AKAP10: variants seen among roughly 807,000 people sequenced by gnomAD.
AKAP10 encodes A-kinase anchor protein 10, mitochondrial.
AKAP10 carries 24 observed loss-of-function variants against 80.8 expected under a neutral mutation model. The ratio of observed to expected loss-of-function variants is 0.30; its 90% CI spans 0.22 to 0.42. AKAP10 has a LOEUF of 0.42. AKAP10 is among the 10% of genes least tolerant of loss of function. The pLI, the probability that AKAP10 is intolerant of heterozygous loss-of-function variation, is 1.00. For synonymous variants in AKAP10, 291 were observed against 277.7 expected (o/e 1.05, Z -0.48); for missense variants, 661 against 794.9 (o/e 0.83, Z 2.03).
intron 11 of AKAP10, among the ~76,000 whole-genome samples, chr17:19,922,290 G>T (rs148132638): frequency 4.7e-4 from 71 of 152,246 alleles, no homozygotes; most frequent in Non-Finnish European, 9.1e-4. Flanking sequence ...TTATTTTAGA[G>T]ATATCTTCCT....
chr17:19,954,651 A>AC (rs2043253127), intron 4 of AKAP10, among the ~76,000 whole-genome samples: 1 of 140,098 alleles, frequency 7.1e-6, no homozygotes, highest in Non-Finnish European at 1.5e-5. Context: ...CGCCCGGCTA[A>AC]TTTTTTTTTT....
chr17:19,931,125 C>A (rs541791640), intron 10 of AKAP10, among the ~76,000 whole-genome samples: 46 of 151,904 alleles, frequency 3.0e-4, no homozygotes, highest in Non-Finnish European at 5.4e-4. Flanking sequence ...AGCGAGGAGA[C>A]CCTGTCTCAA....
intron 4 of AKAP10, among the ~76,000 whole-genome samples, chr17:19,955,178 C>T (rs1289910618): frequency 2.0e-5 from 3 of 151,732 alleles, no homozygotes; most frequent in Admixed American, 2.0e-4. Flanking sequence ...GCCGAGATTG[C>T]CTCACTGCAC....
rs76133607 is a variant in AKAP10 at position 19,921,291 on chromosome 17, T to C, written c.1752-1173A>G. On this transcript the variant is annotated intron_variant, in intron 11 of 14. Coordinates refer to ENST00000225737, the MANE Select transcript of AKAP10 (RefSeq NM_007202.4). Reference sequence around the variant, plus strand: ...CAAGTGATTCTCCTGTCTCAGCCTCTCGAGTAGCTGGGACTACGGGTGCGC... The same window carrying C: ...CAAGTGATTCTCCTGTCTCAGCCTCCCGAGTAGCTGGGACTACGGGTGCGC... Among the ~76,000 whole-genome samples the C allele has an allele frequency of 5.2e-3, 795 of 151,736 alleles. 14 individuals are homozygous for C. In the East Asian group the frequency reaches 0.073, roughly 14 times the overall value.
In AKAP10 at chr17:19,958,116, G is replaced by T. The variant is rs1317180799; in HGVS notation, c.775C>A (p.Gln259Lys). ...RLEMARAGTH[Q>K]VSMETQESSS... The stretch of plus-strand genomic sequence containing the variant: ...GATTCTTGGGTTTCCATGGAAACTT[G>T]GTGAGTTCCTGCTCTGGCCATTTCA... Residue 259 changes from glutamine to lysine, a missense_variant, in exon 4 of 15, where the codon CAA becomes AAA. Coordinates refer to ENST00000225737, the MANE Select transcript of AKAP10 (RefSeq NM_007202.4). The T allele has an allele frequency of 2.5e-6, 4 of 1,614,022 alleles. No individual in the cohort carries two copies. Among genetic ancestry groups the T allele is most frequent in the Non-Finnish European group, 2.5e-6 (3 of 1,180,030 alleles).
At chr17:19,914,639 A>T (rs1051908209) in intron 12 of AKAP10, among the ~76,000 whole-genome samples, 7 of 151,366 alleles carry the variant, frequency 4.6e-5, no homozygotes, top group African/African-American at 1.7e-4. Context: ...AAAAAAAAAA[A>T]AAAAAAAAAA....
chr17:19,920,669 C>G lies in AKAP10; in HGVS notation c.1752-551G>C, dbSNP rs151191710. Reference sequence around the variant, plus strand: ...ACCAGCCTGGCCAACATGGTGAAACCCTGTCTCTACTAAAAATACAAAAAT... The same window carrying G: ...ACCAGCCTGGCCAACATGGTGAAACGCTGTCTCTACTAAAAATACAAAAAT... On this transcript the variant is annotated intron_variant, in intron 11 of 14. Transcript: ENST00000225737. Among the ~76,000 whole-genome samples the G allele has an allele frequency of 6.8e-3, 1,030 of 151,746 alleles. 12 individuals are homozygous for G. The highest frequency in any genetic ancestry group is 0.024 in the African/African-American group (978 of 41,356).
At chr17:19,943,777 T>A (rs1387695021) in intron 5 of AKAP10, among the ~76,000 whole-genome samples, 1 of 152,212 alleles carries the variant, frequency 6.6e-6, no homozygotes, top group Non-Finnish European at 1.5e-5. Flanking sequence ...GCATCTGAAG[T>A]GGAGGCAGTC....
In AKAP10 at chr17:19,959,003, C is replaced by A. The variant is rs181450031; in HGVS notation, c.320-432G>T. On this transcript the variant is annotated intron_variant, in intron 3 of 14. Transcript: ENST00000225737. ...AAGTAGCTGGGATTACAGGCACCCG[C>A]CACCACGCTGAGCTAGTTTTTGTAC... Among the ~76,000 whole-genome samples the A allele has an allele frequency of 2.6e-3, 400 of 152,054 alleles. 13 individuals carry two copies. In the East Asian group the frequency reaches 0.073, roughly 28 times the overall value.
At chr17:19,925,512 T>C (rs1036123328) in intron 10 of AKAP10, among the ~76,000 whole-genome samples, 2 of 152,166 alleles carry the variant, frequency 1.3e-5, no homozygotes, top group African/African-American at 4.8e-5. Flanking sequence ...TACAGAGCCA[T>C]AGGTTGACCT....
intron 10 of AKAP10, among the ~76,000 whole-genome samples, chr17:19,928,233 AT>A (rs1382271343): frequency 2.0e-5 from 3 of 152,058 alleles, no homozygotes; most frequent in African/African-American, 7.3e-5. Flanking sequence ...TCAAAAAAAA[AT>A]AAATAAATAA....
Position 19,905,127 on chromosome 17 carries a change from G to C in AKAP10, c.*1100C>G, listed in dbSNP as rs1458173103. 1 of 151,864 alleles carries C rather than the reference G, an allele frequency of 6.6e-6. No homozygotes were observed. Among genetic ancestry groups the C allele is most frequent in the Non-Finnish European group, 1.5e-5 (1 of 68,000 alleles). The allele number at this position is 151,864 out of a possible 1,614,324, so 9.4% of individuals were successfully genotyped here. On this transcript the variant is annotated 3_prime_UTR_variant, in exon 15 of 15. Transcript: ENST00000225737. ...ATTGAGGAAGCGCTGGCGCCACGTG[G>C]TCAATGGAGTGTGCTCACCAACTGG...
chr17:19,934,672 C>T (rs1425636203), intron 9 of AKAP10, among the ~76,000 whole-genome samples: 6 of 152,112 alleles, frequency 3.9e-5, no homozygotes, highest in African/African-American at 9.7e-5. Context: ...TTGAGGTAAA[C>T]GTGCATATTA....
chr17:19,958,085 G>A lies in AKAP10; in HGVS notation c.806C>T (p.Ser269Phe). The change falls in exon 4 of 15, where the codon TCT becomes TTT. Residue 269 changes from serine to phenylalanine, a missense_variant. Transcript: ENST00000225737. ...ATTTCTACTGGCTACTGTAAGTGTA[G>A]AGGAAGATTCTTGGGTTTCCATGGA... ...QVSMETQESS[S>F]TLTVASRNSP... 6.2e-7 allele frequency: 1 copy of A among 1,614,200 alleles called. No homozygotes were observed. Among genetic ancestry groups the A allele is most frequent in the Non-Finnish European group, 8.5e-7 (1 of 1,180,036 alleles).
chr17:19,965,012 G>A (rs1214489574), intron 2 of AKAP10, among the ~76,000 whole-genome samples: 2 of 152,226 alleles, frequency 1.3e-5, no homozygotes, highest in African/African-American at 4.8e-5. Context: ...CTGTGGAGCA[G>A]ATGAAAAAGC....
chr17:19,908,679 G>A (rs974160279), intron 14 of AKAP10, among the ~76,000 whole-genome samples: 2 of 151,780 alleles, frequency 1.3e-5, no homozygotes, highest in East Asian at 1.9e-4. Context: ...TTCGCTCGTC[G>A]CCCAGGCTGG....
chr17:19,920,877 A>AC (rs1394057377), intron 11 of AKAP10, among the ~76,000 whole-genome samples: 13 of 149,298 alleles, frequency 8.7e-5, no homozygotes, highest in African/African-American at 3.2e-4. Flanking sequence ...AAAAAAAAAA[A>AC]AAAAAAAAGC....
In AKAP10 at chr17:19,924,526, G is replaced by A. The variant is rs776479156; in HGVS notation, c.1642-9C>T. On this transcript the variant is annotated splice_polypyrimidine_tract_variant and intron_variant, in intron 10 of 14. Coordinates refer to ENST00000225737, the MANE Select transcript of AKAP10 (RefSeq NM_007202.4). ...GCTTTTTTCACACTGGACTACAATA[G>A]AAATTGTAAAATTAGAAGTATATGA... The A allele has an allele frequency of 6.5e-7, 1 of 1,547,012 alleles. No individual in the cohort carries two copies. The highest frequency in any genetic ancestry group is 1.2e-5 in the South Asian group (1 of 85,822).
chr17:19,975,088 T>TCAAA (rs1325803253), intron 1 of AKAP10, among the ~76,000 whole-genome samples: 1 of 152,014 alleles, frequency 6.6e-6, no homozygotes, highest in Admixed American at 6.6e-5. Context: ...GTGTAGTGAC[T>TCAAA]CAAATATGGC....
Sources: gnomAD v4.1 joint callset for allele counts (sites outside exome capture counted in the v4.1 genomes callset) on GRCh38, gnomAD v4.1.1 for gene constraint, MANE v1.5 for transcripts, NCBI Gene and HGNC (gene_info 2026-07-23, HGNC 2026-07-21) for gene names.